The following TENM2 variants were observed in gnomAD, a reference collection of about 807,000 sequenced individuals.
The protein encoded by TENM2 is teneurin-2.
In TENM2, 52 loss-of-function variants were observed where a neutral mutation model predicts 245.2. That is an observed-to-expected ratio of 0.21 (90% CI 0.17 to 0.27). TENM2 has a LOEUF of 0.27. TENM2 is among the 10% of genes least tolerant of loss of function. The pLI is 1.00. For synonymous variants in TENM2, 1,363 were observed against 1,438.9 expected (o/e 0.95, Z 1.19); for missense variants, 3,046 against 3,666.8 (o/e 0.83, Z 4.37).
chr5:167,235,281 C>T, the TENM2 span, among the ~76,000 whole-genome samples: 4 of 152,110 alleles, frequency 2.6e-5, no homozygotes, highest in East Asian at 1.9e-4. Context: ...CCTCTTTAAA[C>T]ACCTGTCTCC....
intron 3 of TENM2, among the ~76,000 whole-genome samples, chr5:167,916,621 C>A (rs532597153): frequency 1.3e-5 from 2 of 152,162 alleles, no homozygotes; most frequent in Admixed American, 1.3e-4. Context: ...TCTCCCCCAG[C>A]CTTTGCCGAG....
chr5:168,120,622 C>A (rs967921395), intron 10 of TENM2, among the ~76,000 whole-genome samples: 9 of 152,178 alleles, frequency 5.9e-5, no homozygotes, highest in African/African-American at 1.7e-4. Flanking sequence ...ACCATCCAAC[C>A]AAACAAGCCA....
At chr5:167,648,203 G>C in intron 2 of TENM2, among the ~76,000 whole-genome samples, 1 of 152,192 alleles carries the variant, frequency 6.6e-6, no homozygotes, top group Non-Finnish European at 1.5e-5. Flanking sequence ...AGCTTTGTCA[G>C]GCTTATGCCC....
intron 21 of TENM2, 51 bp from the exon 24 acceptor site, chr5:168,216,717 G>T: frequency 6.2e-7 from 1 of 1,601,610 alleles, no homozygotes; most frequent in South Asian, 1.1e-5. Context: ...CCTCCACCCC[G>T]CAATCCTACA....
chr5:167,818,449 G>T (rs1043993786), intron 2 of TENM2, among the ~76,000 whole-genome samples: 5 of 152,154 alleles, frequency 3.3e-5, no homozygotes, highest in African/African-American at 1.2e-4. Context: ...AAGCTCATAA[G>T]ATGCTAAGCA....
rs1765321347 is a variant in TENM2 at position 167,447,792 on chromosome 5, GTCTT to G, written c.502+72324_502+72327del. Among the ~76,000 whole-genome samples the G allele has an allele frequency of 2.6e-5, 4 of 152,330 alleles. No individual in the cohort carries two copies. In the South Asian group the frequency reaches 8.3e-4, roughly 32 times the overall value. On this transcript the variant is annotated intron_variant, in intron 2 of 28. Transcript: ENST00000518659. ...CCAGAAAAGATCCCCTGCCCATGCT[GTCTT>G]TCTTAATGAATGGTGACAATGCACT...
chr5:167,743,835 G>A (rs957073050), intron 2 of TENM2, among the ~76,000 whole-genome samples: 5 of 152,156 alleles, frequency 3.3e-5, no homozygotes, highest in Non-Finnish European at 5.9e-5. Context: ...CTACTGAAGC[G>A]ATGACTACTG....
chr5:167,855,810 G>A (rs1771024888), intron 2 of TENM2, among the ~76,000 whole-genome samples: 1 of 104,048 alleles, frequency 9.6e-6, no homozygotes, highest in African/African-American at 3.5e-5. Flanking sequence ...AAGGAGGGAG[G>A]GAAGAAGGAA....
the TENM2 span, among the ~76,000 whole-genome samples, chr5:166,990,650 C>T: frequency 1.3e-5 from 2 of 152,094 alleles, no homozygotes; most frequent in Non-Finnish European, 2.9e-5. Context: ...TAACATAATA[C>T]ATTTTACAAA....
chr5:167,436,690 C>G (rs149868666), intron 2 of TENM2, among the ~76,000 whole-genome samples: 1 of 152,106 alleles, frequency 6.6e-6, no homozygotes, highest in Non-Finnish European at 1.5e-5. Flanking sequence ...GGACTGGGCC[C>G]AGGGTTCCCG....
At chr5:167,103,021 G>A in the TENM2 span, among the ~76,000 whole-genome samples, 2 of 152,094 alleles carry the variant, frequency 1.3e-5, no homozygotes, top group African/African-American at 2.4e-5. Context: ...ATTTTTCTTA[G>A]ATGACATGCA....
intron 5 of TENM2, among the ~76,000 whole-genome samples, chr5:167,999,298 T>A (rs1784266684): frequency 6.6e-6 from 1 of 152,180 alleles, no homozygotes; most frequent in South Asian, 2.1e-4. Flanking sequence ...TGGGCCCAGA[T>A]GGTCAAACTG....
At chr5:167,376,673 C>T (rs923360828) in intron 2 of TENM2, among the ~76,000 whole-genome samples, 7 of 152,066 alleles carry the variant, frequency 4.6e-5, no homozygotes, top group African/African-American at 7.2e-5. Context: ...CTTATGCCTC[C>T]GTTCATGTAG....
chr5:167,598,355 C>T (rs923681854), intron 2 of TENM2, among the ~76,000 whole-genome samples: 7 of 152,088 alleles, frequency 4.6e-5, no homozygotes, highest in East Asian at 1.9e-4. Flanking sequence ...TGTAGCAAGT[C>T]GGTGCCAACA....
chr5:167,162,688 A>C, the TENM2 span, among the ~76,000 whole-genome samples: 1 of 152,152 alleles, frequency 6.6e-6, no homozygotes, highest in South Asian at 2.1e-4. Context: ...AAAAGGCTTT[A>C]AGCCAAAACA....
At chr5:167,515,168 TAATGTC>T (rs1407962585) in intron 2 of TENM2, among the ~76,000 whole-genome samples, 1 of 152,172 alleles carries the variant, frequency 6.6e-6, no homozygotes, top group African/African-American at 2.4e-5. Context: ...ATCTGATAGA[TAATGTC>T]ATTGGCAAAT....
At chr5:168,150,764 T>A (rs1405928138) in intron 12 of TENM2, among the ~76,000 whole-genome samples, 9 of 152,292 alleles carry the variant, frequency 5.9e-5, no homozygotes, top group Admixed American at 6.5e-5. Flanking sequence ...TGTACAGTCC[T>A]ACCTGGCTAG....
chr5:167,782,698 CAA>C, intron 2 of TENM2, among the ~76,000 whole-genome samples: 1 of 152,290 alleles, frequency 6.6e-6, no homozygotes, highest in Non-Finnish European at 1.5e-5. Context: ...ATTAAAGAGA[CAA>C]AAAGTCCCCT....
chr5:167,172,045 A>C, the TENM2 span, among the ~76,000 whole-genome samples: 2 of 152,188 alleles, frequency 1.3e-5, no homozygotes, highest in African/African-American at 4.8e-5. Context: ...GGTAACCTCT[A>C]TACCATCCAA....
Sources: gnomAD v4.1 joint callset for allele counts (sites outside exome capture counted in the v4.1 genomes callset) on GRCh38, gnomAD v4.1.1 for gene constraint, MANE v1.5 for transcripts, NCBI Gene and HGNC (gene_info 2026-07-23, HGNC 2026-07-21) for gene names.